Variants in LRRTM4 observed in about 807,000 individuals in gnomAD.
LRRTM4 encodes leucine-rich repeat transmembrane neuronal protein 4.
In LRRTM4, 25 loss-of-function variants were observed where a neutral mutation model predicts 47.6. That is an observed-to-expected ratio of 0.53 (90% CI 0.38 to 0.73). LRRTM4 has a LOEUF of 0.73. Ranked by LOEUF, LRRTM4 falls within the 30% of genes least tolerant of loss-of-function variation. The pLI is 0.00. For missense variants in LRRTM4, 638 were observed against 713.4 expected (o/e 0.89, Z 1.20); for synonymous variants, 311 against 269.5 (o/e 1.15, Z -1.51).
At chr2:77,315,655 T>C (rs1440374915) in intron 3 of LRRTM4, among the ~76,000 whole-genome samples, 1 of 152,170 alleles carries the variant, frequency 6.6e-6, no homozygotes, top group Admixed American at 6.5e-5. Flanking sequence ...GAGCAATTTT[T>C]TTTTGGTTGG....
At chr2:76,762,968 AC>A (rs1673314973) in intron 3 of LRRTM4, among the ~76,000 whole-genome samples, 1 of 152,204 alleles carries the variant, frequency 6.6e-6, no homozygotes, top group African/African-American at 2.4e-5. Context: ...AATATGACTG[AC>A]GGAAAAGAGA....
chr2:77,407,102 G>A (rs1674221182), intron 3 of LRRTM4, among the ~76,000 whole-genome samples: 1 of 152,120 alleles, frequency 6.6e-6, no homozygotes, highest in Non-Finnish European at 1.5e-5. Flanking sequence ...ATAATTAGAA[G>A]TAAATCCTTT....
chr2:77,424,244 T>A (rs540903748), intron 3 of LRRTM4, among the ~76,000 whole-genome samples: 1 of 152,292 alleles, frequency 6.6e-6, no homozygotes, highest in South Asian at 2.1e-4. Context: ...ACATTTTAGT[T>A]TATTGTTATT....
chr2:77,065,199 T>C (rs770053530), intron 3 of LRRTM4, among the ~76,000 whole-genome samples: 9 of 152,138 alleles, frequency 5.9e-5, no homozygotes, highest in Admixed American at 1.3e-4. Context: ...CTTAACTAAT[T>C]TGCCTGTTGC....
rs1430004765 is a variant in LRRTM4 at position 76,748,904 on chromosome 2, T to A, written c.1564A>T (p.Met522Leu). The part of the protein sequence containing the change: ...GSRECEMPHH[M>L]KPLPYYSYDQ... ...TAGCTGTAATATGGCAAGGGCTTCA[T>A]GTGGTGTGGCATCTGGATATGAGAA... The change falls in exon 4 of 4, where the codon ATG (methionine) becomes TTG (leucine). Residue 522 changes from methionine to leucine, a missense_variant. Transcript: ENST00000409884. The A allele has an allele frequency of 1.4e-5, 22 of 1,613,800 alleles. No individual in the cohort carries two copies. Among genetic ancestry groups the A allele is most frequent in the Non-Finnish European group, 1.9e-5 (22 of 1,179,840 alleles).
intron 3 of LRRTM4, among the ~76,000 whole-genome samples, chr2:77,010,105 G>A (rs1349870307): frequency 6.6e-6 from 1 of 151,896 alleles, no homozygotes; most frequent in Non-Finnish European, 1.5e-5. Flanking sequence ...TATTTAACAT[G>A]TGCATTATCT....
chr2:77,013,746 T>C (rs956074197), intron 3 of LRRTM4, among the ~76,000 whole-genome samples: 1 of 152,088 alleles, frequency 6.6e-6, no homozygotes, highest in African/African-American at 2.4e-5. Context: ...GGAAGCAAAA[T>C]CCTGTGTAAA....
chr2:77,329,202 A>C (rs1213723137), intron 3 of LRRTM4, among the ~76,000 whole-genome samples: 1 of 152,214 alleles, frequency 6.6e-6, no homozygotes, highest in Non-Finnish European at 1.5e-5. Flanking sequence ...ATGGCTTTTC[A>C]GAATTCAGCT....
chr2:77,508,093 A>C (rs1475351867), intron 3 of LRRTM4, among the ~76,000 whole-genome samples: 1 of 152,184 alleles, frequency 6.6e-6, no homozygotes, highest in Non-Finnish European at 1.5e-5. Context: ...GAGCCAGTTT[A>C]CAGACCCAGA....
intron 3 of LRRTM4, among the ~76,000 whole-genome samples, chr2:77,175,193 C>T (rs1358194254): frequency 6.6e-6 from 1 of 151,772 alleles, no homozygotes; most frequent in Non-Finnish European, 1.5e-5. Flanking sequence ...CCTCAGCCTC[C>T]AGAATAGCTA....
intron 3 of LRRTM4, among the ~76,000 whole-genome samples, chr2:77,013,249 G>A (rs1677939727): frequency 6.6e-6 from 1 of 152,168 alleles, no homozygotes; most frequent in African/African-American, 2.4e-5. Context: ...CTTGATTCCA[G>A]TTTGTTTTTC....
rs571646991 is a variant in LRRTM4 at position 76,859,291 on chromosome 2, T to C, written c.1552-110375A>G. 8.6e-4 allele frequency among the ~76,000 whole-genome samples: 131 copies of C among 152,206 alleles called. 2 individuals carry two copies. Among genetic ancestry groups the C allele is most frequent in the African/African-American group, 2.6e-3 (106 of 41,528 alleles). Reference sequence around the variant, plus strand: ...CTGTAAGTTATATATTCTTTTTTTTTCCTCAGTTCCCCATTTATAAAATAG... The same window carrying C: ...CTGTAAGTTATATATTCTTTTTTTTCCCTCAGTTCCCCATTTATAAAATAG... On this transcript the variant is annotated intron_variant, in intron 3 of 3. Coordinates refer to ENST00000409884, the MANE Select transcript of LRRTM4 (RefSeq NM_001134745.3).
At chr2:77,095,262 G>C (rs1240619907) in intron 3 of LRRTM4, among the ~76,000 whole-genome samples, 1 of 152,134 alleles carries the variant, frequency 6.6e-6, no homozygotes, top group African/African-American at 2.4e-5. Flanking sequence ...ATGATAGCAA[G>C]TTTTGGCAGG....
intron 3 of LRRTM4, among the ~76,000 whole-genome samples, chr2:77,077,140 T>C (rs982536958): frequency 7.9e-5 from 12 of 152,190 alleles, no homozygotes; most frequent in African/African-American, 2.9e-4. Context: ...CAAAATTCTA[T>C]AGAGGTAGAA....
At chr2:77,086,409 A>AGTGTGTGTGTGT (rs111490311) in intron 3 of LRRTM4, among the ~76,000 whole-genome samples, 31,258 of 150,580 alleles carry the variant, frequency 0.21, 3,494 homozygotes, top group African/African-American at 0.3. Context: ...AAACATTTTT[A>AGTGTGTGTGTGT]GTGTGTGTAT....
At chr2:76,981,130 T>C (rs1676593608) in intron 3 of LRRTM4, among the ~76,000 whole-genome samples, 1 of 152,114 alleles carries the variant, frequency 6.6e-6, no homozygotes, top group African/African-American at 2.4e-5. Flanking sequence ...TTTATCTTGT[T>C]GTTACACTAA....
chr2:77,026,172 G>GA (rs1269006199), intron 3 of LRRTM4, among the ~76,000 whole-genome samples: 1 of 152,034 alleles, frequency 6.6e-6, no homozygotes, highest in Non-Finnish European at 1.5e-5. Context: ...AGCATTACAA[G>GA]AAAAAAATAT....
At chr2:76,933,650 G>A (rs1451691835) in intron 3 of LRRTM4, among the ~76,000 whole-genome samples, 1 of 152,050 alleles carries the variant, frequency 6.6e-6, no homozygotes, top group African/African-American at 2.4e-5. Context: ...TGGTGTACTA[G>A]CAATTTCCAT....
chr2:77,121,853 C>G (rs570042928), intron 3 of LRRTM4, among the ~76,000 whole-genome samples: 151 of 151,878 alleles, frequency 9.9e-4, no homozygotes, highest in Admixed American at 2.6e-3. Flanking sequence ...TGGTGACCTC[C>G]CATTGCAATG....
Sources: allele counts gnomAD v4.1 joint callset (sites outside exome capture counted in the v4.1 genomes callset), GRCh38; gene constraint gnomAD v4.1.1; transcripts MANE v1.5; gene names NCBI Gene and HGNC (gene_info 2026-07-23, HGNC 2026-07-21).